DAB1: variants seen among roughly 807,000 people sequenced by gnomAD.
The protein encoded by DAB1 is disabled homolog 1.
Under a neutral mutation model 64.6 loss-of-function variants are expected in DAB1, and 15 were observed. The ratio of observed to expected loss-of-function variants is 0.23; its 90% CI spans 0.16 to 0.36. The LOEUF (loss-of-function observed/expected upper bound fraction) is 0.36. Ranked by LOEUF, DAB1 falls within the 10% of genes least tolerant of loss-of-function variation. The probability of loss-of-function intolerance (pLI) is 1.00; values close to 1 mark genes in which losing one functional copy is unlikely to be tolerated. For synonymous variants in DAB1, 235 were observed against 251.9 expected, an observed-to-expected ratio of 0.93 and a Z score of 0.64; for missense variants, 596 against 706.7, an observed-to-expected ratio of 0.84 and a Z score of 1.78.
intron 9 of DAB1, among the ~76,000 whole-genome samples, chr1:57,049,722 C>T (rs1648981625): frequency 1.3e-5 from 2 of 152,144 alleles, no homozygotes; most frequent in South Asian, 4.1e-4. Flanking sequence ...CCTCTTTGCC[C>T]TCAGACCCAT....
intron 5 of DAB1, among the ~76,000 whole-genome samples, chr1:57,917,998 G>A (rs1276591954): frequency 3.3e-5 from 5 of 151,898 alleles, no homozygotes; most frequent in Admixed American, 1.3e-4. Context: ...AACCCAGGAG[G>A]CAGAGGTTGC....
intron 1 of DAB1, among the ~76,000 whole-genome samples, chr1:57,410,666 C>T (rs1228790280): frequency 1.3e-5 from 2 of 152,182 alleles, no homozygotes; most frequent in Non-Finnish European, 2.9e-5. Context: ...ATCAAGACGT[C>T]CTTCTCCACT....
intron 9 of DAB1, among the ~76,000 whole-genome samples, chr1:57,046,348 G>A (rs1176336350): frequency 6.6e-6 from 1 of 152,164 alleles, no homozygotes; most frequent in Non-Finnish European, 1.5e-5. Context: ...GCAAAAACAA[G>A]TTTTGTATCC....
chr1:57,707,530 G>GGA (rs1557435213), intron 6 of DAB1, among the ~76,000 whole-genome samples: 1 of 151,938 alleles, frequency 6.6e-6, no homozygotes, highest in East Asian at 1.9e-4. Context: ...TTTCTCTGGG[G>GGA]ATGAATGCCC....
intron 1 of DAB1, among the ~76,000 whole-genome samples, chr1:57,421,908 G>A (rs1570495710): frequency 8.5e-6 from 1 of 117,046 alleles, no homozygotes; most frequent in Non-Finnish European, 1.9e-5. Context: ...GTGGCGGGGG[G>A]GGGGGTGGCG....
chr1:58,487,790 C>A (rs961896136), intron 3 of DAB1, among the ~76,000 whole-genome samples: 2 of 152,138 alleles, frequency 1.3e-5, no homozygotes, highest in East Asian at 1.9e-4. Flanking sequence ...TCCCCTCCCC[C>A]CTCAACACAC....
chr1:57,086,686 C>CACAT (rs755191701), intron 4 of DAB1, among the ~76,000 whole-genome samples: 2 of 144,058 alleles, frequency 1.4e-5, no homozygotes, highest in Admixed American at 7.4e-5. Flanking sequence ...CACACACACA[C>CACAT]ATGAAAAAAA....
chr1:58,034,404 G>C (rs978212803), intron 5 of DAB1, among the ~76,000 whole-genome samples: 4 of 152,202 alleles, frequency 2.6e-5, no homozygotes, highest in African/African-American at 9.6e-5. Flanking sequence ...TAATATTGCA[G>C]CCTGAGCCAG....
chr1:57,198,464 T>G (rs1311148210), intron 2 of DAB1, among the ~76,000 whole-genome samples: 1 of 152,074 alleles, frequency 6.6e-6, no homozygotes, highest in Non-Finnish European at 1.5e-5. Flanking sequence ...GGGCCCTAAG[T>G]CTAGAGACTC....
chr1:57,991,845 C>CAAAA (rs56324635), intron 5 of DAB1, among the ~76,000 whole-genome samples: 3,520 of 59,248 alleles, frequency 0.059, 428 homozygotes, highest in East Asian at 0.14. Flanking sequence ...GGCTCTGTCT[C>CAAAA]AAAAAAAAAA....
intron 3 of DAB1, among the ~76,000 whole-genome samples, chr1:58,496,390 T>C (rs1645802999): frequency 6.6e-6 from 1 of 152,218 alleles, no homozygotes; most frequent in Non-Finnish European, 1.5e-5. Flanking sequence ...TTCAGTGCAG[T>C]TAAATCAACC....
At chr1:57,128,300 A>G (rs1657340385) in intron 4 of DAB1, among the ~76,000 whole-genome samples, 2 of 152,122 alleles carry the variant, frequency 1.3e-5, no homozygotes, top group Admixed American at 1.3e-4. Flanking sequence ...AACAAAGGAT[A>G]AAAAACCATA....
chr1:58,371,897 G>T (rs984665603), intron 3 of DAB1, among the ~76,000 whole-genome samples: 4 of 152,186 alleles, frequency 2.6e-5, no homozygotes, highest in African/African-American at 9.6e-5. Context: ...CCTCCACCTA[G>T]ATTTCAGAGG....
At chr1:57,635,754 A>G (rs1254394867) in intron 7 of DAB1, among the ~76,000 whole-genome samples, 2 of 152,206 alleles carry the variant, frequency 1.3e-5, no homozygotes, top group Non-Finnish European at 2.9e-5. Context: ...CCACAAAACC[A>G]GTCCCTGGTG....
At chr1:57,803,736 A>G (rs1032502712) in intron 6 of DAB1, among the ~76,000 whole-genome samples, 5 of 152,216 alleles carry the variant, frequency 3.3e-5, no homozygotes, top group African/African-American at 1.2e-4. Flanking sequence ...CTACAGGAAG[A>G]AAGTCTTTAT....
intron 5 of DAB1, among the ~76,000 whole-genome samples, chr1:58,050,640 C>T (rs1647584297): frequency 6.6e-6 from 1 of 152,156 alleles, no homozygotes; most frequent in African/African-American, 2.4e-5. Context: ...CGCCATTCTC[C>T]TGCCTCAGCC....
intron 7 of DAB1, among the ~76,000 whole-genome samples, chr1:57,496,050 C>T (rs1472601395): frequency 2.0e-5 from 3 of 152,258 alleles, no homozygotes; most frequent in Admixed American, 2.0e-4. Flanking sequence ...CCATGATGAA[C>T]TCTGGGTTGT....
Position 57,285,748 on chromosome 1 carries a change from A to T in DAB1, c.67+5216T>A, listed in dbSNP as rs538203120. On this transcript the variant is annotated intron_variant, in intron 2 of 14. Transcript: ENST00000371236. ...ACCAGGTCTGCTGTGCTCCAAAGTCAGTGCTCTTTCCACTACACTAAGCTG... is the reference window on the plus strand; with the variant it reads ...ACCAGGTCTGCTGTGCTCCAAAGTCTGTGCTCTTTCCACTACACTAAGCTG... Among the ~76,000 whole-genome samples, 8 of 152,314 alleles carry T rather than the reference A, an allele frequency of 5.3e-5. No individual in the cohort carries two copies. In the East Asian group the frequency reaches 1.4e-3, roughly 26 times the overall value.
intron 4 of DAB1, among the ~76,000 whole-genome samples, chr1:57,106,347 C>T (rs1202032682): frequency 6.6e-6 from 1 of 150,714 alleles, no homozygotes; most frequent in African/African-American, 2.4e-5. Flanking sequence ...TCATTAAGTC[C>T]ATCTCTACAC....
Sources: allele counts gnomAD v4.1 joint callset (sites outside exome capture counted in the v4.1 genomes callset), GRCh38; gene constraint gnomAD v4.1.1; transcripts MANE v1.5; gene names NCBI Gene and HGNC (gene_info 2026-07-23, HGNC 2026-07-21).